GALNT13: variants seen among roughly 807,000 people sequenced by gnomAD.
The protein encoded by GALNT13 is polypeptide N-acetylgalactosaminyltransferase 13.
In GALNT13, 28 loss-of-function variants were observed where a neutral mutation model predicts 64.2. The ratio of observed to expected loss-of-function variants is 0.44; its 90% CI spans 0.32 to 0.60. The LOEUF is 0.60. Ranked by LOEUF, GALNT13 falls within the 20% of genes least tolerant of loss-of-function variation. GALNT13 has a pLI of 0.05. For missense variants in GALNT13, 577 were observed against 669.8 expected, an observed-to-expected ratio of 0.86 and a Z score of 1.53; for synonymous variants, 214 against 224.6, an observed-to-expected ratio of 0.95 and a Z score of 0.42.
intron 4 of GALNT13, among the ~76,000 whole-genome samples, chr2:154,173,899 G>A (rs1037801638): frequency 6.6e-6 from 1 of 152,062 alleles, no homozygotes; most frequent in East Asian, 1.9e-4. Flanking sequence ...CTGGAAGCTG[G>A]CACAGATGTG....
intron 3 of GALNT13, among the ~76,000 whole-genome samples, chr2:154,025,349 G>T (rs1356768971): frequency 6.6e-6 from 1 of 152,100 alleles, no homozygotes; most frequent in African/African-American, 2.4e-5. Context: ...AATAAATAAA[G>T]TTTACCTCTG....
the GALNT13 span, among the ~76,000 whole-genome samples, chr2:153,265,747 A>G: frequency 6.6e-6 from 1 of 152,108 alleles, no homozygotes; most frequent in Admixed American, 6.5e-5. Context: ...CTATTCAGCT[A>G]TTTTGCTCTA....
chr2:154,056,201 T>C (rs1450092645), intron 3 of GALNT13, among the ~76,000 whole-genome samples: 1 of 152,168 alleles, frequency 6.6e-6, no homozygotes. Context: ...TGGAAAGCAT[T>C]TCAACCAAAA....
the GALNT13 span, among the ~76,000 whole-genome samples, chr2:153,201,010 A>G: frequency 6.6e-6 from 1 of 152,186 alleles, no homozygotes; most frequent in South Asian, 2.1e-4. Context: ...ACAACTTTCC[A>G]TTATGGTCTC....
chr2:153,732,452 G>A, the GALNT13 span, among the ~76,000 whole-genome samples: 3 of 152,082 alleles, frequency 2.0e-5, no homozygotes, highest in East Asian at 3.9e-4. Flanking sequence ...ATTCTCATAT[G>A]TGGTTAATGA....
intron 12 of GALNT13, among the ~76,000 whole-genome samples, chr2:154,440,676 G>T (rs922589273): frequency 2.6e-5 from 4 of 151,954 alleles, no homozygotes; most frequent in Non-Finnish European, 4.4e-5. Flanking sequence ...GAATTATATA[G>T]CTTAATTAAA....
the GALNT13 span, among the ~76,000 whole-genome samples, chr2:153,369,428 AT>A: frequency 0.15 from 23,378 of 152,084 alleles, 2,001 homozygotes; most frequent in African/African-American, 0.21. Context: ...GTCTAAAAAA[AT>A]AAGAGAGAAC....
the GALNT13 span, among the ~76,000 whole-genome samples, chr2:153,075,572 T>C: frequency 6.6e-6 from 1 of 152,236 alleles, no homozygotes; most frequent in African/African-American, 2.4e-5. Flanking sequence ...TAATTCCTTT[T>C]TATATAGTTA....
chr2:153,797,951 A>G, the GALNT13 span, among the ~76,000 whole-genome samples: 2 of 152,190 alleles, frequency 1.3e-5, no homozygotes, highest in Non-Finnish European at 1.5e-5. Context: ...ACCATCATCT[A>G]GCACCTGGCT....
At chr2:153,269,929 C>T in the GALNT13 span, among the ~76,000 whole-genome samples, 45 of 152,260 alleles carry the variant, frequency 3.0e-4, no homozygotes, top group Non-Finnish European at 3.8e-4. Context: ...AATCCAATCA[C>T]CTATCACGAA....
chr2:153,125,602 G>C, the GALNT13 span, among the ~76,000 whole-genome samples: 1 of 152,122 alleles, frequency 6.6e-6, no homozygotes, highest in African/African-American at 2.4e-5. Context: ...CAATTTGTGG[G>C]AAGAAAATTG....
At chr2:153,659,553 T>C in the GALNT13 span, among the ~76,000 whole-genome samples, 1 of 152,126 alleles carries the variant, frequency 6.6e-6, no homozygotes. Context: ...ATAAGTATAG[T>C]ACAAAATACA....
At chr2:153,177,293 C>CTAG in the GALNT13 span, among the ~76,000 whole-genome samples, 1 of 151,910 alleles carries the variant, frequency 6.6e-6, no homozygotes, top group African/African-American at 2.4e-5. Context: ...ACAATAACTA[C>CTAG]TAAAGTTAAT....
At chr2:153,114,180 A>G in the GALNT13 span, among the ~76,000 whole-genome samples, 1 of 152,080 alleles carries the variant, frequency 6.6e-6, no homozygotes, top group Non-Finnish European at 1.5e-5. Context: ...CTGCCTCACC[A>G]TAAATGCCAG....
At chr2:153,292,283 AAAG>A in the GALNT13 span, among the ~76,000 whole-genome samples, 6 of 142,462 alleles carry the variant, frequency 4.2e-5, no homozygotes, top group Non-Finnish European at 9.4e-5. Context: ...TTGTCTGAGA[AAAG>A]AAGAAAGGGT....
chr2:154,393,457 T>A (rs901143863), intron 9 of GALNT13, among the ~76,000 whole-genome samples: 2 of 152,146 alleles, frequency 1.3e-5, no homozygotes, highest in Admixed American at 1.3e-4. Context: ...CTGAGAAATG[T>A]GGAGGAGTAC....
chr2:153,902,727 A>G (rs191635739), intron 2 of GALNT13, among the ~76,000 whole-genome samples: 21 of 152,190 alleles, frequency 1.4e-4, no homozygotes, highest in African/African-American at 4.8e-4. Context: ...GTAATAATTA[A>G]TGCTTGTGCA....
chr2:153,356,878 C>T, the GALNT13 span, among the ~76,000 whole-genome samples: 127 of 142,944 alleles, frequency 8.9e-4, no homozygotes, highest in East Asian at 2.1e-4. Context: ...GCTCACTGCA[C>T]GCTCTGCCTG....
the GALNT13 span, among the ~76,000 whole-genome samples, chr2:153,307,810 GA>G: frequency 1.3e-5 from 2 of 151,956 alleles, no homozygotes; most frequent in Admixed American, 1.3e-4. Context: ...TGTAATTAAA[GA>G]TACTGGCTGT....
Sources: allele counts gnomAD v4.1 joint callset (sites outside exome capture counted in the v4.1 genomes callset), GRCh38; gene constraint gnomAD v4.1.1; transcripts MANE v1.5; gene names NCBI Gene and HGNC (gene_info 2026-07-23, HGNC 2026-07-21).